APOH: variants seen among roughly 807,000 people sequenced by gnomAD.
The protein encoded by APOH is beta-2-glycoprotein 1.
In APOH, 48 loss-of-function variants were observed where a neutral mutation model predicts 39.8. That is an observed-to-expected ratio of 1.21 (90% CI 0.96 to 1.54). The LOEUF is 1.54. APOH is among the 40% of genes most tolerant of loss of function. The probability of loss-of-function intolerance (pLI) is 0.00; values close to 1 mark genes in which losing one functional copy is unlikely to be tolerated. For synonymous variants in APOH, 153 were observed against 151.1 expected, an observed-to-expected ratio of 1.01 and a Z score of -0.09; for missense variants, 415 against 421.2, an observed-to-expected ratio of 0.99 and a Z score of 0.13.
In APOH at chr17:66,229,129, G is replaced by A. The variant is rs907269633; in HGVS notation, c.64+187C>T. ...TTTTTGTATTTTTCATAAAGACGGG[G>A]TTTCACCATGTTGGCCAGACTGGTC... On this transcript the variant is annotated intron_variant, in intron 1 of 7. Transcript: ENST00000205948. 2.0e-5 allele frequency among the ~76,000 whole-genome samples: 3 copies of A among 152,066 alleles called. 1 individual carries two copies. In the East Asian group the frequency reaches 5.8e-4, roughly 29 times the overall value.
intron 4 of APOH, among the ~76,000 whole-genome samples, chr17:66,223,110 G>C (rs747965721): frequency 3.9e-5 from 6 of 152,288 alleles, no homozygotes; most frequent in Middle Eastern, 3.4e-3. Context: ...AAGCCCCTTT[G>C]ATGGGCTGTT....
chr17:66,226,164 T>TAA (rs8178832), intron 2 of APOH, 40 bp from the exon 3 acceptor site: 25 of 1,399,188 alleles, frequency 1.8e-5, no homozygotes, highest in East Asian at 2.4e-5. Flanking sequence ...TTCTTTGGGC[T>TAA]AAAAAAAAAC....
chr17:66,216,678 A>G, intron 6 of APOH, 110 bp downstream of exon 6: 1 of 1,134,352 alleles, frequency 8.8e-7, no homozygotes, highest in East Asian at 2.5e-5. Context: ...GCAGTTTCCT[A>G]GCAAGTCTGA....
intron 2 of APOH, 121 bp downstream of exon 2, chr17:66,227,899 A>T: frequency 9.7e-7 from 1 of 1,028,372 alleles, no homozygotes; most frequent in Non-Finnish European, 1.4e-6. Context: ...TTTCTCTCCA[A>T]CCTGGCTTTC....
chr17:66,228,920 C>A lies in APOH; in HGVS notation c.64+396G>T, dbSNP rs192076248. Among the ~76,000 whole-genome samples, 653 of 152,006 alleles carry A rather than the reference C, an allele frequency of 4.3e-3. 7 individuals are homozygous for A. The highest frequency in any genetic ancestry group is 6.8e-3 in the Non-Finnish European group (464 of 67,978). ...GGACCTCGGCTCACTGCAACCTCTG[C>A]CTCCCAGGTTCAAGCAATTCTCCTG... is the stretch of plus-strand genomic sequence containing the variant. On this transcript the variant is annotated intron_variant, in intron 1 of 7. Coordinates refer to ENST00000205948, the MANE Select transcript of APOH (RefSeq NM_000042.3).
chr17:66,215,553 A>G (rs775925925), intron 6 of APOH, among the ~76,000 whole-genome samples: 2 of 152,134 alleles, frequency 1.3e-5, no homozygotes, highest in Non-Finnish European at 2.9e-5. Flanking sequence ...GCTTCTAGGG[A>G]ACTGTAACCT....
At chr17:66,214,339 G>T in intron 7 of APOH, 114 bp downstream of exon 7, 1 of 1,001,046 alleles carries the variant, frequency 1.0e-6, no homozygotes, top group Non-Finnish European at 1.5e-6. Flanking sequence ...GATTACAGGC[G>T]TGACCCACCG....
chr17:66,216,944 T>C lies in APOH; in HGVS notation c.628A>G (p.Arg210Gly). Residue 210 changes from arginine to glycine, a missense_variant, in exon 6 of 8, where the codon AGA (arginine) becomes GGA (glycine). By Grantham distance (125) the Arg-to-Gly change is moderately radical. Transcript: ENST00000205948. ...CREVKCPFPS[R>G]PDNGFVNYPA... is the part of the protein sequence containing the mutation. ...TAGTTCACAAATCCATTGTCTGGTC[T>C]TGATGGGAATGGGCATTTTACTTCT... 1.2e-6 allele frequency: 2 copies of C among 1,601,854 alleles called. No homozygotes were observed. Among genetic ancestry groups the C allele is most frequent in the Non-Finnish European group, 1.7e-6 (2 of 1,175,598 alleles).
At chr17:66,223,660 CT>C (rs757169517) in intron 4 of APOH, 37 bp downstream of exon 4, 1 of 1,593,124 alleles carries the variant, frequency 6.3e-7, no homozygotes, top group Non-Finnish European at 8.6e-7. Flanking sequence ...CAGAAAGGTT[CT>C]GGGCAAACCA....
chr17:66,217,750 C>A (rs1257957200), intron 5 of APOH, among the ~76,000 whole-genome samples: 1 of 152,064 alleles, frequency 6.6e-6, no homozygotes, highest in Non-Finnish European at 1.5e-5. Context: ...AAGTTCAAGA[C>A]CAGCCTGGCC....
chr17:66,227,098 G>C (rs1346108865), intron 2 of APOH, among the ~76,000 whole-genome samples: 2 of 152,106 alleles, frequency 1.3e-5, no homozygotes, highest in South Asian at 2.1e-4. Flanking sequence ...TGGCCAGGCT[G>C]GTCTTGAACT....
rs573268347 is a variant in APOH at position 66,215,843 on chromosome 17, C to T, written c.784+945G>A. 1.5e-4 allele frequency among the ~76,000 whole-genome samples: 23 copies of T among 152,230 alleles called. No individual in the cohort carries two copies. In the South Asian group the frequency reaches 2.7e-3, roughly 18 times the overall value. On this transcript the variant is annotated intron_variant, in intron 6 of 7. Transcript: ENST00000205948. ...AGCAGAGAGACGGAAATGGGAGAGACCATTGAGATACGGAAAAAGTAGGAA... is the reference window on the plus strand; with the variant it reads ...AGCAGAGAGACGGAAATGGGAGAGATCATTGAGATACGGAAAAAGTAGGAA...
intron 4 of APOH, among the ~76,000 whole-genome samples, chr17:66,223,067 T>A (rs2073412054): frequency 6.6e-6 from 1 of 152,110 alleles, no homozygotes; most frequent in South Asian, 2.1e-4. Flanking sequence ...CAACAGTGCT[T>A]TTTGGAGGAA....
chr17:66,224,481 AAAAAAAAAAAGAAAAG>A, intron 3 of APOH, among the ~76,000 whole-genome samples: 1 of 146,424 alleles, frequency 6.8e-6, no homozygotes, highest in East Asian at 2.0e-4. Context: ...AAAAAAAAAA[AAAAAAAAAAAGAAAAG>A]AAAAGAAGGA....
intron 3 of APOH, among the ~76,000 whole-genome samples, 155 bp downstream of exon 3, chr17:66,225,873 T>C (rs1482454162): frequency 7.0e-6 from 1 of 142,970 alleles, no homozygotes; most frequent in East Asian, 2.0e-4. Flanking sequence ...CGAGACTCCG[T>C]CTCAAAAAAA....
intron 2 of APOH, among the ~76,000 whole-genome samples, chr17:66,226,504 G>C (rs991663452): frequency 1.3e-5 from 2 of 152,108 alleles, no homozygotes; most frequent in African/African-American, 4.8e-5. Flanking sequence ...GCATGATGGT[G>C]GGTGCCTGTA....
chr17:66,219,810 T>C (rs542948493), intron 5 of APOH, among the ~76,000 whole-genome samples: 50 of 152,150 alleles, frequency 3.3e-4, no homozygotes, highest in African/African-American at 1.1e-3. Context: ...TCCCGGCTAC[T>C]TGGGAGGCCA....
At chr17:66,212,832 A>G (rs535769463) in intron 7 of APOH, among the ~76,000 whole-genome samples, 6 of 152,372 alleles carry the variant, frequency 3.9e-5, no homozygotes, top group South Asian at 2.1e-4. Flanking sequence ...GAAGAAATAT[A>G]TCAACAAAGC....
At chr17:66,221,847 C>A (rs1005876819) in intron 4 of APOH, among the ~76,000 whole-genome samples, 1 of 152,102 alleles carries the variant, frequency 6.6e-6, no homozygotes, top group Admixed American at 6.6e-5. Context: ...GACCAAAATG[C>A]GATTTACCTT....
Sources: allele counts gnomAD v4.1 joint callset (sites outside exome capture counted in the v4.1 genomes callset), GRCh38; gene constraint gnomAD v4.1.1; transcripts MANE v1.5; gene names NCBI Gene and HGNC (gene_info 2026-07-23, HGNC 2026-07-21).